SKOR2: variants seen among roughly 807,000 people sequenced by gnomAD.
SKOR2 encodes the protein SKI family transcriptional corepressor 2, also known as LBX1 corepressor 1-like protein.
SKOR2 carries 47 observed loss-of-function variants against 69.1 expected under a neutral mutation model. The ratio of observed to expected loss-of-function variants is 0.68; its 90% confidence interval spans 0.54 to 0.87. SKOR2 has a LOEUF of 0.87. Ranked by LOEUF, SKOR2 falls within the 40% of genes least tolerant of loss-of-function variation. SKOR2 has a pLI of 0.00. For missense variants in SKOR2, 1,404 were observed against 1,472.2 expected (o/e 0.95, Z 0.76); for synonymous variants, 717 against 672.6 (o/e 1.07, Z -1.02).
In SKOR2 at chr18:47,248,418, G is replaced by A. The variant is rs2064294420; in HGVS notation, c.766C>T (p.Leu256Phe). The A allele has an allele frequency of 1.3e-6, 2 of 1,529,784 alleles. No individual in the cohort carries two copies. The highest frequency in any genetic ancestry group is 4.9e-5 in the East Asian group (2 of 40,642). 94.8% of individuals were successfully genotyped at this position (1,529,784 alleles called of 1,614,324 possible). ...QPGAHPACHP[L>F]SSVKAAAVAA... ...ACGGCGGCCGCCTTCACAGAGCTGA[G>A]CGGGTGGCAGGCGGGGTGCGCGCCC... is the stretch of plus-strand genomic sequence containing the variant. The change falls in exon 2 of 9, where the codon CTC (leucine) becomes TTC (phenylalanine). Residue 256 changes from leucine to phenylalanine, a missense_variant. Physicochemically the swap from Leu to Phe is conservative, Grantham distance 22 (BLOSUM62 0). Around this residue, in one of 3 missense-constraint regions of SKOR2, gnomAD observed 1,266 missense variants for 1,309.9 expected, o/e 0.97. Coordinates refer to ENST00000425639, the MANE Select transcript of SKOR2 (RefSeq NM_001278063.4). This position sits in a 1 kb window ranked among gnomAD's most constrained non-coding sequence, Gnocchi z 6.4.
chr18:47,215,556 C>G (rs149473623), intron 7 of SKOR2, among the ~76,000 whole-genome samples: 3 of 151,992 alleles, frequency 2.0e-5, no homozygotes, highest in Non-Finnish European at 4.4e-5. Flanking sequence ...TTCCCTGTGA[C>G]GATGCACTGC....
intron 5 of SKOR2, 28 bp downstream of exon 5, chr18:47,230,907 G>A (rs2064195272): frequency 6.9e-7 from 1 of 1,441,088 alleles, no homozygotes; most frequent in Admixed American, 2.0e-5. Flanking sequence ...GCTAAGAGAA[G>A]TTCTACAGAA....
chr18:47,234,994 A>G (rs1332657475), intron 4 of SKOR2, among the ~76,000 whole-genome samples: 1 of 152,108 alleles, frequency 6.6e-6, no homozygotes, highest in Non-Finnish European at 1.5e-5. Context: ...AAGACTGTAG[A>G]AAAAAACTGG....
intron 8 of SKOR2, among the ~76,000 whole-genome samples, chr18:47,207,956 G>T (rs951657208): frequency 2.0e-5 from 3 of 152,150 alleles, no homozygotes; most frequent in African/African-American, 7.2e-5. Flanking sequence ...GTGGTCTTGG[G>T]CTGGCTTTCA....
At chr18:47,226,472 T>C (rs1207106073) in intron 6 of SKOR2, among the ~76,000 whole-genome samples, 1 of 152,158 alleles carries the variant, frequency 6.6e-6, no homozygotes, top group Non-Finnish European at 1.5e-5. Flanking sequence ...CCCCTCCTAA[T>C]CCATTTCCCC....
At chr18:47,249,378 C>G in intron 1 of SKOR2, 148 bp from the exon 2 acceptor site, 1 of 759,910 alleles carries the variant, frequency 1.3e-6, no homozygotes, top group Non-Finnish European at 2.1e-6. Context: ...GTTTTGAACA[C>G]AAGAAAGTCA....
At chr18:47,225,369 G>A (rs974157347) in intron 6 of SKOR2, among the ~76,000 whole-genome samples, 5 of 152,108 alleles carry the variant, frequency 3.3e-5, no homozygotes, top group African/African-American at 7.2e-5. Flanking sequence ...CATGAGCCCT[G>A]GATACTCACC....
At chr18:47,223,836 T>C (rs558998707) in intron 6 of SKOR2, among the ~76,000 whole-genome samples, 2 of 152,228 alleles carry the variant, frequency 1.3e-5, no homozygotes, top group South Asian at 4.2e-4. Flanking sequence ...CAAGGATGTG[T>C]ATAGCTTTTG....
At chr18:47,242,464 A>C (rs1418089277) in intron 4 of SKOR2, among the ~76,000 whole-genome samples, 1 of 152,174 alleles carries the variant, frequency 6.6e-6, no homozygotes, top group African/African-American at 2.4e-5. Flanking sequence ...AGTAAATTTC[A>C]GACTGTGAAA....
In SKOR2 at chr18:47,245,495, T is replaced by TTTTTTTTTTTTTTTTTTTTTTTTTTA; in HGVS notation, c.2677+2_2677+3insTAAAAAAAAAAAAAAAAAAAAAAAAA. On this transcript the variant is annotated splice_region_variant and intron_variant, in intron 3 of 8. Transcript: ENST00000425639. ...GGCAGCTGATTTTTTTTTTTTTTTT[T>TTTTTTTTTTTTTTTTTTTTTTTTTTA]ACCTGAAAAGCTGTTGTCATCCTTT... 6.8e-7 allele frequency: 1 copy of TTTTTTTTTTTTTTTTTTTTTTTTTTA among 1,470,348 alleles called. No individual in the cohort carries two copies. The highest frequency in any genetic ancestry group is 9.0e-7 in the Non-Finnish European group (1 of 1,116,558). The allele number at this position is 1,470,348 out of a possible 1,614,324, so 91.1% of individuals were successfully genotyped here.
chr18:47,212,584 C>T (rs868669906), intron 7 of SKOR2, among the ~76,000 whole-genome samples: 27 of 152,118 alleles, frequency 1.8e-4, no homozygotes, highest in South Asian at 8.3e-4. Flanking sequence ...TTATAACAGA[C>T]GTAATTTCTT....
intron 1 of SKOR2, among the ~76,000 whole-genome samples, chr18:47,249,659 T>A (rs1364275486): frequency 6.6e-6 from 1 of 152,206 alleles, no homozygotes; most frequent in East Asian, 1.9e-4. Flanking sequence ...GTCATTCTCA[T>A]TTGCTTGGAG....
At chr18:47,233,842 G>T (rs72913180) in intron 4 of SKOR2, among the ~76,000 whole-genome samples, 2 of 152,200 alleles carry the variant, frequency 1.3e-5, no homozygotes, top group East Asian at 3.9e-4. Flanking sequence ...CTTTACATTG[G>T]TATGAAACCA....
chr18:47,219,984 C>G lies in SKOR2; in HGVS notation c.2944G>C (p.Glu982Gln). The change falls in exon 7 of 9, where the codon GAG (glutamate) becomes CAG (glutamine). Residue 982 changes from glutamate (E) to glutamine (Q), a missense_variant. Glu to Gln is a conservative substitution (Grantham distance 29). Coordinates refer to ENST00000425639, the MANE Select transcript of SKOR2 (RefSeq NM_001278063.4). ...FNNFQDQMKR[E>Q]LAYREEMVQQ... is the part of the protein sequence containing the mutation. ...ACCATTTCTTCTCGGTAGGCTAGCT[C>G]CCTTTTCATCTGATCCTGAAAATTA... The G allele has an allele frequency of 6.5e-7, 1 of 1,535,858 alleles. No homozygotes were observed. The highest frequency in any genetic ancestry group is 8.7e-7 in the Non-Finnish European group (1 of 1,146,862).
chr18:47,243,636 T>C (rs2064258615), intron 4 of SKOR2, among the ~76,000 whole-genome samples: 1 of 152,198 alleles, frequency 6.6e-6, no homozygotes, highest in Admixed American at 6.5e-5. Context: ...AAAATATCAT[T>C]GCCTTTGTGA....
At position 47,247,056 on chromosome 18, in the gene SKOR2, G is replaced by A; in HGVS notation, c.2128C>T (p.His710Tyr). 6.8e-7 allele frequency: 1 copy of A among 1,461,762 alleles called. No homozygotes were observed. The allele number at this position is 1,461,762 out of a possible 1,614,324, so 90.5% of individuals were successfully genotyped here. A position where few individuals can be genotyped will look rare whatever the true frequency, so the allele number is the denominator to read the frequency against. The change falls in exon 2 of 9, where the codon CAC becomes TAC. Residue 710 changes from histidine (H) to tyrosine (Y), a missense_variant. By Grantham distance (83) the His-to-Tyr change is moderately conservative (BLOSUM62 2). Transcript: ENST00000425639. The surrounding 1 kb of genome is among the most constrained non-coding windows in gnomAD (Gnocchi z 6.6). The stretch of plus-strand genomic sequence containing the variant: ...GACAGAAGGCCTCGGTGGTGCGGGT[G>A]CTGGGCCAGAGGGGGCGGCGGGGGC... Reference protein sequence around the residue: ...PPPPPPPLAQHPHHRGLLSPG... With the variant: ...PPPPPPPLAQYPHHRGLLSPG...
intron 8 of SKOR2, among the ~76,000 whole-genome samples, chr18:47,211,743 AC>A (rs1302914587): frequency 1.3e-5 from 2 of 152,200 alleles, no homozygotes; most frequent in Admixed American, 6.5e-5. Context: ...GAGATGAGAC[AC>A]CCTGAGGATG....
chr18:47,215,970 TA>T (rs34407242), intron 7 of SKOR2, among the ~76,000 whole-genome samples: 1 of 152,090 alleles, frequency 6.6e-6, no homozygotes, highest in Non-Finnish European at 1.5e-5. Flanking sequence ...AAATTCATAA[TA>T]AAAAAAGGTT....
intron 7 of SKOR2, among the ~76,000 whole-genome samples, chr18:47,216,093 T>C (rs998258674): frequency 1.3e-5 from 2 of 152,234 alleles, no homozygotes; most frequent in Non-Finnish European, 2.9e-5. Flanking sequence ...GTCAGCTTCT[T>C]CAGCCTAAGG....
Sources: gnomAD v4.1 joint callset for allele counts (sites outside exome capture counted in the v4.1 genomes callset) on GRCh38, gnomAD v4.1.1 for gene constraint, gnomAD v4.1.1 regional missense constraint, Gnocchi (gnomAD v3.1) non-coding constraint, MANE v1.5 for transcripts, NCBI Gene and HGNC (gene_info 2026-07-23, HGNC 2026-07-21) for gene names.